Variants in UGT1A6 observed in about 807,000 individuals in gnomAD.
UGT1A6 encodes the protein UDP-glucuronosyltransferase 1A6.
UGT1A6 carries 32 observed loss-of-function variants against 44.4 expected under a neutral mutation model. The ratio of observed to expected loss-of-function variants is 0.72; its 90% CI spans 0.54 to 0.97. The LOEUF is 0.97. Among genes scored for constraint, UGT1A6 ranks in the 50% least tolerant of loss-of-function variants. The pLI is 0.00. For synonymous variants in UGT1A6, 238 were observed against 248.5 expected, an observed-to-expected ratio of 0.96 and a Z score of 0.40; for missense variants, 685 against 661.9, an observed-to-expected ratio of 1.03 and a Z score of -0.38.
At chr2:233,730,738 C>A (rs998277069) in intron 1 of UGT1A6, among the ~76,000 whole-genome samples, 1 of 152,038 alleles carries the variant, frequency 6.6e-6, no homozygotes, top group Non-Finnish European at 1.5e-5. Flanking sequence ...GCGGAAGGGG[C>A]TAGGGAGGAG....
At chr2:233,710,274 A>G (rs1427903289) in intron 1 of UGT1A6, among the ~76,000 whole-genome samples, 1 of 152,210 alleles carries the variant, frequency 6.6e-6, no homozygotes, top group Non-Finnish European at 1.5e-5. Flanking sequence ...TTCTTGGGTA[A>G]ATACTTAAAA....
chr2:233,749,952 C>T (rs1450236503), intron 1 of UGT1A6, among the ~76,000 whole-genome samples: 1 of 151,854 alleles, frequency 6.6e-6, no homozygotes, highest in Non-Finnish European at 1.5e-5. Flanking sequence ...ATTACCGAGT[C>T]TTGGGTATGT....
chr2:233,719,706 A>G (rs1314284418), intron 1 of UGT1A6: 4 of 1,614,008 alleles, frequency 2.5e-6, no homozygotes, highest in Non-Finnish European at 3.4e-6. Flanking sequence ...TGGTGCCTTC[A>G]TCCAATCAAT....
chr2:233,763,341 T>C (rs1156611161), intron 1 of UGT1A6, among the ~76,000 whole-genome samples: 2 of 152,260 alleles, frequency 1.3e-5, no homozygotes, highest in African/African-American at 4.8e-5. Context: ...TACATTTCCC[T>C]AGCACATCTT....
intron 1 of UGT1A6, among the ~76,000 whole-genome samples, chr2:233,728,858 C>G (rs1482684625): frequency 1.3e-5 from 2 of 152,126 alleles, no homozygotes; most frequent in Admixed American, 6.5e-5. Context: ...GGATGAGAAA[C>G]AAGAGCTTGA....
intron 1 of UGT1A6, chr2:233,747,689 A>C (rs552388790): frequency 3.7e-6 from 6 of 1,609,664 alleles, no homozygotes; most frequent in Non-Finnish European, 5.1e-6. Flanking sequence ...TCTGTGGGGC[A>C]GTGCTGGCTA....
At position 233,772,640 on chromosome 2, in the gene UGT1A6, C is replaced by T; in HGVS notation, c.*81C>T. On this transcript the variant is annotated 3_prime_UTR_variant, in exon 5 of 5. Transcript: ENST00000305139. ...TTGAAAACAGAATCAGTGTTAAATTCATTTTATTCTTATTAAGGAAATACT... is the reference window on the plus strand; with the variant it reads ...TTGAAAACAGAATCAGTGTTAAATTTATTTTATTCTTATTAAGGAAATACT... 2 of 1,552,730 alleles carry T rather than the reference C, an allele frequency of 1.3e-6. No individual in the cohort carries two copies. The highest frequency in any genetic ancestry group is 1.7e-6 in the Non-Finnish European group (2 of 1,148,442).
intron 1 of UGT1A6, chr2:233,743,955 C>T (rs752795670): frequency 9.0e-6 from 12 of 1,339,906 alleles, no homozygotes; most frequent in African/African-American, 3.0e-5. Context: ...ACTGGCACAG[C>T]GAGCGGCAAG....
At chr2:233,719,651 G>A (rs776482882) in intron 1 of UGT1A6, 1 of 1,614,068 alleles carries the variant, frequency 6.2e-7, no homozygotes, top group Non-Finnish European at 8.5e-7. Flanking sequence ...TCTTCATTGG[G>A]GGCATCAACT....
At chr2:233,742,236 G>A (rs571045989) in intron 1 of UGT1A6, among the ~76,000 whole-genome samples, 1 of 151,990 alleles carries the variant, frequency 6.6e-6, no homozygotes, top group African/African-American at 2.4e-5. Context: ...CCCAAACAGA[G>A]ATTTACCCAC....
chr2:233,720,402 G>T (rs569897948), intron 1 of UGT1A6, among the ~76,000 whole-genome samples: 13 of 152,218 alleles, frequency 8.5e-5, no homozygotes, highest in African/African-American at 3.1e-4. Context: ...TCAAGAGTGG[G>T]TGGAAGGGAC....
Position 233,747,516 on chromosome 2 carries a change from G to C in UGT1A6, c.862-19518G>C, listed in dbSNP as rs1693703556. The C allele has an allele frequency of 1.9e-6, 3 of 1,607,196 alleles. 1 individual carries two copies. The African/African-American group carries it at 4.0e-5, about 22-fold the overall frequency. On this transcript the variant is annotated intron_variant, in intron 1 of 4. Coordinates refer to ENST00000305139, the MANE Select transcript of UGT1A6 (RefSeq NM_001072.4). ...GCTGGGCCACACTCAACTGTACTTT[G>C]AAACAGAACATTTTCTGAAGACATT...
chr2:233,756,961 G>A (rs1696368025), intron 1 of UGT1A6, among the ~76,000 whole-genome samples: 1 of 151,950 alleles, frequency 6.6e-6, no homozygotes, highest in Admixed American at 6.6e-5. Context: ...CTTGGCACTT[G>A]GTAAGCACGC....
Position 233,769,043 on chromosome 2 carries a change from C to T in UGT1A6, c.1301+604C>T, listed in dbSNP as rs1699778649. 6.6e-6 allele frequency among the ~76,000 whole-genome samples: 1 copy of T among 152,118 alleles called. No individual in the cohort carries two copies. The highest frequency in any genetic ancestry group is 1.5e-5 in the Non-Finnish European group (1 of 68,028). On this transcript the variant is annotated intron_variant, in intron 4 of 4. Coordinates refer to ENST00000305139, the MANE Select transcript of UGT1A6 (RefSeq NM_001072.4). This position sits in a 1 kb window ranked among gnomAD's most constrained non-coding sequence, Gnocchi z 4.4. ...AAAGTTGCCATAATAGACATCTGATCCATAAGTTTCCTGCACAGAAAGAAA... is the reference window on the plus strand; with the variant it reads ...AAAGTTGCCATAATAGACATCTGATTCATAAGTTTCCTGCACAGAAAGAAA...
Position 233,772,749 on chromosome 2 carries a change from G to C in UGT1A6, c.*190G>C. 7.0e-7 allele frequency: 1 copy of C among 1,420,230 alleles called. No homozygotes were observed. Among genetic ancestry groups the C allele is most frequent in the East Asian group, 2.5e-5 (1 of 40,006 alleles). 88.0% of individuals were successfully genotyped at this position (1,420,230 alleles called of 1,614,324 possible). Reference sequence around the variant, plus strand: ...GACTCGCTAGTCAGTAAAGATATTTGAATATGTATCGTGCCCCCTCTGGTG... The same window carrying C: ...GACTCGCTAGTCAGTAAAGATATTTCAATATGTATCGTGCCCCCTCTGGTG... On this transcript the variant is annotated 3_prime_UTR_variant, in exon 5 of 5. Coordinates refer to ENST00000305139, the MANE Select transcript of UGT1A6 (RefSeq NM_001072.4).
At chr2:233,729,474 G>C (rs1258880128) in intron 1 of UGT1A6, 53 of 1,614,092 alleles carry the variant, frequency 3.3e-5, no homozygotes, top group Non-Finnish European at 4.2e-5. Flanking sequence ...GTATGGCAAT[G>C]TTGAACAATA....
intron 1 of UGT1A6, among the ~76,000 whole-genome samples, chr2:233,731,931 T>A (rs963793811): frequency 5.3e-5 from 8 of 152,216 alleles, no homozygotes; most frequent in Non-Finnish European, 1.0e-4. Context: ...TTTCTCCACA[T>A]CCTCTCCAAC....
Position 233,767,084 on chromosome 2 carries a change from C to G in UGT1A6, c.912C>G (p.Phe304Leu). 6.2e-7 allele frequency: 1 copy of G among 1,614,120 alleles called. No homozygotes were observed. Among genetic ancestry groups the G allele is most frequent in the Non-Finnish European group, 8.5e-7 (1 of 1,180,022 alleles). The change falls in exon 2 of 5, where the codon TTC becomes TTG. Residue 304 changes from phenylalanine (F) to leucine (L), a missense_variant. Transcript: ENST00000305139. ...NASGEHGIVV[F>L]SLGSMVSEIP... ...CTGGAGAACATGGAATTGTGGTTTT[C>G]TCTTTGGGATCAATGGTCTCAGAAA...
intron 1 of UGT1A6, chr2:233,754,336 T>A: frequency 4.0e-6 from 1 of 251,592 alleles, no homozygotes; most frequent in Non-Finnish European, 7.8e-6. Context: ...TTAAGTTTAA[T>A]AAATAGCAAA....
Sources: allele counts gnomAD v4.1 joint callset (sites outside exome capture counted in the v4.1 genomes callset), GRCh38; gene constraint gnomAD v4.1.1; non-coding constraint Gnocchi (gnomAD v3.1); transcripts MANE v1.5; gene names NCBI Gene and HGNC (gene_info 2026-07-23, HGNC 2026-07-21).